Variants in FSTL4 observed in about 807,000 individuals in gnomAD.
FSTL4 encodes follistatin-related protein 4.
A neutral mutation model predicts 78.2 loss-of-function variants in FSTL4; 28 were observed. The ratio of observed to expected loss-of-function variants is 0.36; its 90% CI spans 0.27 to 0.49. FSTL4 has a LOEUF of 0.49. Among genes scored for constraint, FSTL4 ranks in the 20% least tolerant of loss-of-function variants. FSTL4 has a pLI of 0.98. For synonymous variants in FSTL4, 422 were observed against 440.5 expected (o/e 0.96, Z 0.53); for missense variants, 922 against 1,084.9 (o/e 0.85, Z 2.11).
intron 8 of FSTL4, among the ~76,000 whole-genome samples, chr5:133,230,593 G>C (rs1751464390): frequency 6.6e-6 from 1 of 152,160 alleles, no homozygotes; most frequent in African/African-American, 2.4e-5. Flanking sequence ...GCCAAAGCGG[G>C]TAAGATGACT....
At position 133,219,196 on chromosome 5, in the gene FSTL4, C is replaced by T. The variant is rs190257681; in HGVS notation, c.1458+1552G>A. On this transcript the variant is annotated intron_variant, in intron 12 of 15. Coordinates refer to ENST00000265342, the MANE Select transcript of FSTL4 (RefSeq NM_015082.2). Reference sequence around the variant, plus strand: ...CCTTGTCTGTCCCATTTGGCCAACACTCACATGCTAATGGCACCCAGATCT... The same window carrying T: ...CCTTGTCTGTCCCATTTGGCCAACATTCACATGCTAATGGCACCCAGATCT... 2.2e-3 allele frequency among the ~76,000 whole-genome samples: 333 copies of T among 152,312 alleles called. 5 individuals are homozygous for T. Among genetic ancestry groups the T allele is most frequent in the Admixed American group, 0.019 (294 of 15,296 alleles).
rs113363183 is a variant in FSTL4, at chr5:133,391,726, T to A, written c.409+9012A>T. Among the ~76,000 whole-genome samples, 620 of 152,292 alleles carry A rather than the reference T, an allele frequency of 4.1e-3. 6 individuals carry two copies. Among genetic ancestry groups the A allele is most frequent in the African/African-American group, 0.014 (595 of 41,552 alleles). ...CTTAGGATCTTTGCAAACTTTGTAT[T>A]GCCACTGCCTGGGATACTCTTCCCC... On this transcript the variant is annotated intron_variant, in intron 4 of 15. Transcript: ENST00000265342.
intron 4 of FSTL4, among the ~76,000 whole-genome samples, chr5:133,385,944 A>T (rs563318806): frequency 7.2e-5 from 11 of 151,950 alleles, no homozygotes; most frequent in South Asian, 2.1e-4. Flanking sequence ...TTTTTTTTTT[A>T]AATTATACAT....
Position 133,202,006 on chromosome 5 carries a change from G to A in FSTL4, c.1753C>T (p.Leu585Phe). ...TEASTGQSQH[L>F]IRTPFAGVDD... ...ACTCCTGCAAAGGGTGTGCGGATGA[G>A]GTGCTGGCTCTGGCCGGTGCTGGCT... The change falls in exon 15 of 16, where the codon CTC (leucine) becomes TTC (phenylalanine). Residue 585 changes from leucine (L) to phenylalanine (F), a missense_variant. Coordinates refer to ENST00000265342, the MANE Select transcript of FSTL4 (RefSeq NM_015082.2). 2 of 1,612,286 alleles carry A rather than the reference G, an allele frequency of 1.2e-6. No individual in the cohort carries two copies. The highest frequency in any genetic ancestry group is 1.1e-5 in the South Asian group (1 of 90,750).
intron 4 of FSTL4, among the ~76,000 whole-genome samples, chr5:133,392,362 G>C (rs868500346): frequency 6.6e-6 from 1 of 152,122 alleles, no homozygotes; most frequent in African/African-American, 2.4e-5. Flanking sequence ...AGAGAAGGAG[G>C]GATCTACGGA....
chr5:133,494,783 G>A (rs1758336882), intron 3 of FSTL4, among the ~76,000 whole-genome samples: 2 of 152,244 alleles, frequency 1.3e-5, no homozygotes, highest in Non-Finnish European at 1.5e-5. Context: ...GCCCGGGTGT[G>A]CTGAGGAAAC....
At chr5:133,666,003 C>T in the FSTL4 span, among the ~76,000 whole-genome samples, 4 of 152,104 alleles carry the variant, frequency 2.6e-5, no homozygotes, top group African/African-American at 9.7e-5. Context: ...AGGCCCTGAC[C>T]TCACTGGCTT....
chr5:133,240,749 A>G (rs943850951), intron 7 of FSTL4, among the ~76,000 whole-genome samples: 12 of 152,176 alleles, frequency 7.9e-5, no homozygotes, highest in African/African-American at 2.9e-4. Context: ...GTTCCTGTGC[A>G]TAACTGAGCT....
At chr5:133,786,169 C>T in the FSTL4 span, among the ~76,000 whole-genome samples, 2 of 152,154 alleles carry the variant, frequency 1.3e-5, no homozygotes, top group Non-Finnish European at 2.9e-5. Flanking sequence ...TCCAAGTGGC[C>T]TTTTCCTCCC....
intron 3 of FSTL4, among the ~76,000 whole-genome samples, chr5:133,412,073 G>T (rs7729507): frequency 0.49 from 74,364 of 151,938 alleles, 18,382 homozygotes; most frequent in African/African-American, 0.55. Context: ...TTGGAACATT[G>T]CTTATTCGTG....
intron 3 of FSTL4, among the ~76,000 whole-genome samples, chr5:133,502,830 T>C (rs931282152): frequency 3.3e-5 from 5 of 152,172 alleles, no homozygotes; most frequent in Non-Finnish European, 7.4e-5. Context: ...CTCAGGTATT[T>C]CTTTATAGCA....
the FSTL4 span, among the ~76,000 whole-genome samples, chr5:133,703,715 C>T: frequency 1.0e-3 from 153 of 152,280 alleles, 1 homozygote; most frequent in Middle Eastern, 6.8e-3. Flanking sequence ...GATAATGAGA[C>T]GAGGCTCTGC....
At chr5:133,828,781 GCTC>G in the FSTL4 span, among the ~76,000 whole-genome samples, 1 of 152,236 alleles carries the variant, frequency 6.6e-6, no homozygotes, top group Non-Finnish European at 1.5e-5. Context: ...TTTACAGCTT[GCTC>G]CTCAAGGACA....
chr5:133,297,911 C>T (rs1170922992), intron 6 of FSTL4, among the ~76,000 whole-genome samples: 1 of 152,228 alleles, frequency 6.6e-6, no homozygotes, highest in East Asian at 1.9e-4. Flanking sequence ...CATCCCTCAT[C>T]TGGACCAGCA....
intron 3 of FSTL4, among the ~76,000 whole-genome samples, chr5:133,498,372 CTA>C (rs1758415979): frequency 6.6e-6 from 1 of 152,178 alleles, no homozygotes; most frequent in African/African-American, 2.4e-5. Context: ...ATTACAGACT[CTA>C]TACATCTATA....
chr5:133,680,160 T>C, the FSTL4 span, among the ~76,000 whole-genome samples: 1 of 152,208 alleles, frequency 6.6e-6, no homozygotes, highest in Non-Finnish European at 1.5e-5. Flanking sequence ...CATGGCATGG[T>C]CTTCCATGCC....
At chr5:133,368,170 G>A (rs1011195560) in intron 4 of FSTL4, among the ~76,000 whole-genome samples, 1 of 152,264 alleles carries the variant, frequency 6.6e-6, no homozygotes, top group Non-Finnish European at 1.5e-5. Context: ...TGCTAACAAT[G>A]TGATTTATGG....
chr5:133,220,770 G>A lies in FSTL4; in HGVS notation c.1436C>T (p.Thr479Met), dbSNP rs893149572. 1.3e-5 allele frequency: 21 copies of A among 1,598,122 alleles called. No homozygotes were observed. The highest frequency in any genetic ancestry group is 3.3e-5 in the South Asian group (3 of 90,752). Residue 479 changes from threonine (T) to methionine (M), a missense_variant, in exon 12 of 16, where the codon ACG becomes ATG. By Grantham distance (81) the Thr-to-Met change is moderately conservative. Transcript: ENST00000265342. ...TACATAGCTCATGAAAATCTTTTCC[G>A]TGGGTTTGAGGTGCCTCTGGATCTC... ...DCEIQRHLKP[T>M]EKIFMSYEEI...
chr5:133,241,074 TGGGAAA>T (rs1751857771), intron 7 of FSTL4, among the ~76,000 whole-genome samples: 1 of 152,210 alleles, frequency 6.6e-6, no homozygotes, highest in South Asian at 2.1e-4. Context: ...TGAGCTTCTC[TGGGAAA>T]TTGACACTGT....
Sources: allele counts gnomAD v4.1 joint callset (sites outside exome capture counted in the v4.1 genomes callset), GRCh38; gene constraint gnomAD v4.1.1; transcripts MANE v1.5; gene names NCBI Gene and HGNC (gene_info 2026-07-23, HGNC 2026-07-21).